BCL11B: variants seen among roughly 807,000 people sequenced by gnomAD.
The protein encoded by BCL11B is B-cell lymphoma/leukemia 11B.
A neutral mutation model predicts 49.9 loss-of-function variants in BCL11B; 8 were observed. The observed-to-expected ratio is 0.16, with a 90% CI of 0.09 to 0.29. The LOEUF is 0.29. Among genes scored for constraint, BCL11B ranks in the 10% least tolerant of loss-of-function variants. The pLI is 1.00. For synonymous variants in BCL11B, 739 were observed against 637.4 expected (o/e 1.16, Z -2.40); for missense variants, 1,006 against 1,351.0 (o/e 0.74, Z 4.00).
rs1370971330 is a variant in BCL11B at position 99,172,764 on chromosome 14, G to A, written c.*1387C>T. 1 of 215,574 alleles carries A rather than the reference G, an allele frequency of 4.6e-6. No individual in the cohort carries two copies. The highest frequency in any genetic ancestry group is 9.4e-6 in the Non-Finnish European group (1 of 106,822). 13.4% of individuals were successfully genotyped at this position (215,574 alleles called of 1,614,324 possible). The stretch of plus-strand genomic sequence containing the variant: ...CCATTTAATTTAAATGCAAACAAAA[G>A]CTTTAAAGTGCGGGTCAACAGAATT... On this transcript the variant is annotated 3_prime_UTR_variant, in exon 4 of 4. Transcript: ENST00000357195.
chr14:99,256,284 C>T (rs1179694397), intron 2 of BCL11B, among the ~76,000 whole-genome samples: 2 of 152,164 alleles, frequency 1.3e-5, no homozygotes, highest in Admixed American at 6.5e-5. Flanking sequence ...ACTTGCACAC[C>T]GCAGAGCCAG....
intron 2 of BCL11B, among the ~76,000 whole-genome samples, chr14:99,256,185 G>GA (rs1430300914): frequency 6.6e-6 from 1 of 152,132 alleles, no homozygotes; most frequent in Non-Finnish European, 1.5e-5. Context: ...TAGAAGCATC[G>GA]AAAGCCTGAG....
chr14:99,250,104 C>T (rs377675153), intron 2 of BCL11B, among the ~76,000 whole-genome samples: 2 of 144,458 alleles, frequency 1.4e-5, no homozygotes, highest in East Asian at 4.3e-4. Context: ...GGCATGATCT[C>T]GGCTCACTGC....
intron 3 of BCL11B, among the ~76,000 whole-genome samples, chr14:99,224,419 G>A (rs914293307): frequency 1.3e-5 from 2 of 152,144 alleles, no homozygotes; most frequent in Non-Finnish European, 2.9e-5. Flanking sequence ...GGACTGAGCC[G>A]GCCCTTTAGC....
At chr14:99,219,045 CT>C (rs5810929) in intron 3 of BCL11B, among the ~76,000 whole-genome samples, 75,265 of 145,030 alleles carry the variant, frequency 0.52, 19,236 homozygotes, top group Admixed American at 0.61. Flanking sequence ...TTTATTTCTT[CT>C]TTTTTTTTTT....
chr14:99,270,041 G>A (rs1360640178), intron 1 of BCL11B, among the ~76,000 whole-genome samples: 1 of 152,100 alleles, frequency 6.6e-6, no homozygotes, highest in Non-Finnish European at 1.5e-5. Flanking sequence ...AGTGTGCGGG[G>A]ACTCGGGGCG....
intron 2 of BCL11B, among the ~76,000 whole-genome samples, chr14:99,235,561 A>C (rs1432746128): frequency 6.6e-6 from 1 of 152,190 alleles, no homozygotes; most frequent in Non-Finnish European, 1.5e-5. Flanking sequence ...TGCAAATGAA[A>C]CTTACGTCAA....
At position 99,175,654 on chromosome 14, in the gene BCL11B, G is replaced by A. The variant is rs766752148; in HGVS notation, c.1182C>T (p.Pro394=). The change falls in exon 4 of 4, where the codon CCC becomes CCT. Residue 394 remains proline, a synonymous_variant. Coordinates refer to ENST00000357195, the MANE Select transcript of BCL11B (RefSeq NM_138576.4). ...RGNPMHRLLN[P]FQPSPKSPFL... The stretch of plus-strand genomic sequence containing the variant: ...ACGGGGACTTGGGGCTGGGCTGGAA[G>A]GGGTTCAGGAGCCGGTGCATAGGGT... 16 of 1,560,610 alleles carry A rather than the reference G, an allele frequency of 1.0e-5. No homozygotes were observed. The highest frequency in any genetic ancestry group is 2.3e-5 in the East Asian group (1 of 42,952).
intron 3 of BCL11B, among the ~76,000 whole-genome samples, chr14:99,224,054 C>T (rs1437231767): frequency 6.6e-6 from 1 of 152,214 alleles, no homozygotes; most frequent in Non-Finnish European, 1.5e-5. Context: ...TTTCCGGATC[C>T]CTCAGTCCAG....
rs1277024568 is a variant in BCL11B, at chr14:99,175,920, C to A, written c.916G>T (p.Gly306Cys). Residue 306 changes from glycine to cysteine, a missense_variant, in exon 4 of 4, where the codon GGC (glycine) becomes TGC (cysteine). Physicochemically the swap from Gly to Cys is radical, Grantham distance 159 (BLOSUM62 -3). This residue lies in a region of BCL11B where 411 missense variants were observed against 542.2 expected (regional missense o/e 0.76). Coordinates refer to ENST00000357195, the MANE Select transcript of BCL11B (RefSeq NM_138576.4). ...GPILRDHPGFGEGRLPGTPPL... is the reference protein window; with the variant it reads ...GPILRDHPGFCEGRLPGTPPL... Reference sequence around the variant, plus strand: ...GGCGTGCCCGGCAGGCGGCCCTCGCCGAAGCCCGGGTGGTCCCGCAGGATG... The same window carrying A: ...GGCGTGCCCGGCAGGCGGCCCTCGCAGAAGCCCGGGTGGTCCCGCAGGATG... The A allele has an allele frequency of 9.7e-6, 14 of 1,446,474 alleles. No homozygotes were observed. The highest frequency in any genetic ancestry group is 6.0e-5 in the Admixed American group (2 of 33,610). The allele number at this position is 1,446,474 out of a possible 1,614,324, so 89.6% of individuals were successfully genotyped here.
intron 3 of BCL11B, among the ~76,000 whole-genome samples, chr14:99,220,954 G>A (rs545441600): frequency 2.0e-5 from 3 of 152,130 alleles, no homozygotes; most frequent in Non-Finnish European, 2.9e-5. Context: ...GGGTTCAAGC[G>A]ATTCTCCTGC....
chr14:99,199,966 G>T (rs1179457215), intron 3 of BCL11B, among the ~76,000 whole-genome samples: 2 of 150,830 alleles, frequency 1.3e-5, no homozygotes, highest in Non-Finnish European at 3.0e-5. Flanking sequence ...GCGTGCCTGG[G>T]AAGGAAAAAA....
rs935061804 is a variant in BCL11B at position 99,248,628 on chromosome 14, G to A, written c.427+8843C>T. On this transcript the variant is annotated intron_variant, in intron 2 of 3. Transcript: ENST00000357195. The surrounding 1 kb of genome is among the most constrained non-coding windows in gnomAD (Gnocchi z 4.7). Reference sequence around the variant, plus strand: ...CTCCCATAAGGATCTTCACAGCCTGGGGCAGAAAGACCTAAGCTTTCAATC... The same window carrying A: ...CTCCCATAAGGATCTTCACAGCCTGAGGCAGAAAGACCTAAGCTTTCAATC... Among the ~76,000 whole-genome samples, 6 of 152,178 alleles carry A rather than the reference G, an allele frequency of 3.9e-5. No individual in the cohort carries two copies. Among genetic ancestry groups the A allele is most frequent in the African/African-American group, 1.4e-4 (6 of 41,438 alleles).
chr14:99,196,006 G>T (rs541007730), intron 3 of BCL11B, among the ~76,000 whole-genome samples: 1 of 152,150 alleles, frequency 6.6e-6, no homozygotes, highest in Non-Finnish European at 1.5e-5. Context: ...TGATGAAGAA[G>T]CCCATGAGCC....
intron 2 of BCL11B, among the ~76,000 whole-genome samples, chr14:99,237,185 CAA>C (rs983848754): frequency 1.3e-5 from 2 of 149,546 alleles, no homozygotes; most frequent in Non-Finnish European, 3.0e-5. Flanking sequence ...GAGGGTGACT[CAA>C]AAAATAAATT....
At chr14:99,177,245 A>G (rs1886562500) in intron 3 of BCL11B, among the ~76,000 whole-genome samples, 2 of 151,956 alleles carry the variant, frequency 1.3e-5, no homozygotes, top group South Asian at 4.2e-4. Flanking sequence ...GAACATCCTC[A>G]CATCTGACAG....
intron 1 of BCL11B, among the ~76,000 whole-genome samples, chr14:99,258,982 G>C (rs1889259403): frequency 7.1e-6 from 1 of 141,180 alleles, no homozygotes; most frequent in Non-Finnish European, 1.5e-5. Flanking sequence ...CCTCCTCAAG[G>C]GAAAATTGGA....
intron 3 of BCL11B, among the ~76,000 whole-genome samples, chr14:99,203,305 C>G (rs1006072322): frequency 7.9e-5 from 12 of 152,170 alleles, no homozygotes; most frequent in African/African-American, 2.9e-4. Context: ...GGAAATAACC[C>G]GTGAAGCCCC....
At position 99,170,690 on chromosome 14, in the gene BCL11B, CG is replaced by C. The variant is rs1161753811; in HGVS notation, c.*3460del. 1.3e-5 allele frequency: 3 copies of C among 233,034 alleles called. No individual in the cohort carries two copies. The highest frequency in any genetic ancestry group is 2.5e-5 in the Non-Finnish European group (3 of 117,782). 14.4% of individuals were successfully genotyped at this position (233,034 alleles called of 1,614,324 possible). ...CCAGGCCCTCGCATTCGGAAACTGA[CG>C]GAATGTAGGTTTCAGAGAGCAAAGC... On this transcript the variant is annotated 3_prime_UTR_variant, in exon 4 of 4. Coordinates refer to ENST00000357195, the MANE Select transcript of BCL11B (RefSeq NM_138576.4).
Sources: allele counts gnomAD v4.1 joint callset (sites outside exome capture counted in the v4.1 genomes callset), GRCh38; gene constraint gnomAD v4.1.1; regional missense constraint gnomAD v4.1.1; non-coding constraint Gnocchi (gnomAD v3.1); transcripts MANE v1.5; gene names NCBI Gene and HGNC (gene_info 2026-07-23, HGNC 2026-07-21).